The following USP16 variants were observed in gnomAD, a reference collection of about 807,000 sequenced individuals.
USP16 encodes ubiquitin carboxyl-terminal hydrolase 16.
USP16 carries 77 observed loss-of-function variants against 95.9 expected under a neutral mutation model. The observed-to-expected ratio is 0.80, with a 90% CI of 0.67 to 0.97. The LOEUF (loss-of-function observed/expected upper bound fraction) is 0.97, where lower values mean the gene tolerates loss of function less well. Among genes scored for constraint, USP16 ranks in the 50% least tolerant of loss-of-function variants. The pLI is 0.00. For synonymous variants in USP16, 303 were observed against 318.2 expected (o/e 0.95, Z 0.51); for missense variants, 943 against 959.9 (o/e 0.98, Z 0.23).
intron 11 of USP16, 62 bp downstream of exon 11, chr21:29,042,166 A>G: frequency 6.9e-7 from 1 of 1,441,040 alleles, no homozygotes; most frequent in Non-Finnish European, 9.6e-7. Context: ...TCAATTGTTT[A>G]TTTCAAAAGC....
At position 29,039,471 on chromosome 21, in the gene USP16, T is replaced by C. The variant is rs1568890250; in HGVS notation, c.864-10T>C. The C allele has an allele frequency of 1.9e-6, 3 of 1,610,646 alleles. No homozygotes were observed. Among genetic ancestry groups the C allele is most frequent in the Non-Finnish European group, 2.5e-6 (3 of 1,177,848 alleles). On this transcript the variant is annotated splice_polypyrimidine_tract_variant and intron_variant, in intron 8 of 17. Coordinates refer to ENST00000399976, the MANE Select transcript of USP16 (RefSeq NM_006447.3). ...GAAGATTGCTTTTCTGTCTTTTTGT[T>C]TTTCTCTAGAGCAGTGCGGTTTAAA...
At chr21:29,040,789 T>C (rs995681370) in intron 10 of USP16, 102 bp downstream of exon 10, 55 of 504,028 alleles carry the variant, frequency 1.1e-4, no homozygotes, top group Admixed American at 5.5e-4. Context: ...ATTATTAATG[T>C]ATAATTTCTC....
In USP16 at chr21:29,046,889, G is replaced by A; in HGVS notation, c.1579G>A (p.Asp527Asn). Reference sequence around the variant, plus strand: ...AGCAAAAATGATCGAAAGTGTAACTGACAATCAAAAATCCACAGAGGAAGT... The same window carrying A: ...AGCAAAAATGATCGAAAGTGTAACTAACAATCAAAAATCCACAGAGGAAGT... ...GQAKMIESVTDNQKSTEEVDM... is the reference protein window; with the variant it reads ...GQAKMIESVTNNQKSTEEVDM... The change falls in exon 14 of 18, where the codon GAC (aspartate) becomes AAC (asparagine). Residue 527 changes from aspartate (D) to asparagine (N), a missense_variant. Transcript: ENST00000399976. 1 of 1,614,080 alleles carries A rather than the reference G, an allele frequency of 6.2e-7. No individual in the cohort carries two copies. The highest frequency in any genetic ancestry group is 1.1e-5 in the South Asian group (1 of 91,066).
rs753620226 is a variant in USP16 at position 29,040,653 on chromosome 21, A to G, written c.996A>G (p.Glu332=). The G allele has an allele frequency of 3.2e-6, 5 of 1,549,118 alleles. No homozygotes were observed. In the South Asian group the frequency reaches 5.7e-5, roughly 18 times the overall value. Residue 332 remains glutamate (E), a synonymous_variant, in exon 10 of 18, where the codon GAA becomes GAG. Coordinates refer to ENST00000399976, the MANE Select transcript of USP16 (RefSeq NM_006447.3). ...TTAAAGCATTTGGTAATTCTACTGA[A>G]AAGTTGGATGAAGAACTAAAAAATA... is the stretch of plus-strand genomic sequence containing the variant. ...GILKAFGNST[E]KLDEELKNKV...
chr21:29,029,978 TTTAA>T (rs1276703297), intron 2 of USP16, among the ~76,000 whole-genome samples: 7 of 152,212 alleles, frequency 4.6e-5, no homozygotes, highest in Non-Finnish European at 1.0e-4. Context: ...ATAGGACATA[TTTAA>T]TTAATATCAG....
chr21:29,043,933 G>GT lies in USP16; in HGVS notation c.1356+344dup, dbSNP rs796782997. 3.0e-3 allele frequency among the ~76,000 whole-genome samples: 450 copies of GT among 148,634 alleles called. 1 individual carries two copies. Among genetic ancestry groups the GT allele is most frequent in the African/African-American group, 0.011 (428 of 40,608 alleles). ...AACAATAAGTCCCCCTCCCACCACT[G>GT]TTTTTTTTTTCCAACCCGAGATGGA... is the stretch of plus-strand genomic sequence containing the variant. On this transcript the variant is annotated intron_variant, in intron 13 of 17. Transcript: ENST00000399976.
chr21:29,032,888 C>T (rs1365814315), intron 3 of USP16, among the ~76,000 whole-genome samples: 2 of 152,154 alleles, frequency 1.3e-5, no homozygotes, highest in African/African-American at 2.4e-5. Flanking sequence ...TATATTCTTA[C>T]TAGCAGTGTA....
intron 2 of USP16, among the ~76,000 whole-genome samples, chr21:29,029,306 G>A (rs2085043174): frequency 1.3e-5 from 2 of 152,158 alleles, no homozygotes; most frequent in Non-Finnish European, 1.5e-5. Context: ...CCAGCTACTT[G>A]GGAGGCTGAG....
In USP16 at chr21:29,054,472, A is replaced by C; in HGVS notation, c.*285A>C. On this transcript the variant is annotated 3_prime_UTR_variant, in exon 18 of 18. Coordinates refer to ENST00000399976, the MANE Select transcript of USP16 (RefSeq NM_006447.3). ...GTGATGGATCACAACACATCAATAA[A>C]CTGACTTACCCTAAAATCTTGTTTT... The C allele has an allele frequency of 3.2e-6, 1 of 310,864 alleles. No individual in the cohort carries two copies. Among genetic ancestry groups the C allele is most frequent in the Admixed American group, 4.6e-5 (1 of 21,750 alleles). 19.3% of individuals were successfully genotyped at this position (310,864 alleles called of 1,614,324 possible). A position where few individuals can be genotyped will look rare whatever the true frequency, so the allele number is the denominator to read the frequency against.
chr21:29,038,861 A>C (rs2085201190), intron 7 of USP16, among the ~76,000 whole-genome samples, 165 bp from the exon 8 acceptor site: 1 of 152,230 alleles, frequency 6.6e-6, no homozygotes. Flanking sequence ...TGCATAAGAC[A>C]GTCTGTGACC....
rs747547318 is a variant in USP16, at chr21:29,053,858, C to T, written c.2250C>T (p.His750=). 6.2e-7 allele frequency: 1 copy of T among 1,614,194 alleles called. No homozygotes were observed. Among genetic ancestry groups the T allele is most frequent in the Non-Finnish European group, 8.5e-7 (1 of 1,180,034 alleles). The change falls in exon 17 of 18, where the codon CAC becomes CAT. Residue 750 remains histidine (H), a synonymous_variant. Coordinates refer to ENST00000399976, the MANE Select transcript of USP16 (RefSeq NM_006447.3). ...VLYSLYGVVE[H]SGTMRSGHYT... ...ATTCCTTATATGGAGTTGTTGAACACAGTGGTACTATGAGGTCGGGGCATT... is the reference window on the plus strand; with the variant it reads ...ATTCCTTATATGGAGTTGTTGAACATAGTGGTACTATGAGGTCGGGGCATT...
intron 3 of USP16, 90 bp from the exon 4 acceptor site, chr21:29,034,747 T>A (rs1476445074): frequency 2.6e-6 from 3 of 1,163,372 alleles, no homozygotes; most frequent in Non-Finnish European, 3.7e-6. Context: ...CAGAATTTCA[T>A]GAGCCACTTC....
At chr21:29,041,974 AC>A (rs763869912) in intron 10 of USP16, 38 bp from the exon 11 acceptor site, 97 of 1,526,632 alleles carry the variant, frequency 6.4e-5, no homozygotes, top group Admixed American at 1.2e-4. Context: ...TAATTATATA[AC>A]GGTAATTGGT....
At chr21:29,042,322 A>G (rs1479617976) in intron 11 of USP16, 150 bp from the exon 12 acceptor site, 6 of 876,004 alleles carry the variant, frequency 6.8e-6, no homozygotes, top group Non-Finnish European at 8.5e-6. Flanking sequence ...AAAGTCCTCA[A>G]TGTTGTGTAA....
At chr21:29,031,718 C>T (rs1215161708) in intron 3 of USP16, among the ~76,000 whole-genome samples, 1 of 152,206 alleles carries the variant, frequency 6.6e-6, no homozygotes, top group African/African-American at 2.4e-5. Context: ...GGAATACAGG[C>T]GTGAGCCACT....
intron 13 of USP16, among the ~76,000 whole-genome samples, chr21:29,046,434 C>T (rs898353603): frequency 2.6e-5 from 4 of 152,060 alleles, no homozygotes; most frequent in African/African-American, 7.2e-5. Flanking sequence ...AGGTGTGAGC[C>T]GCCATGCCCA....
In USP16 at chr21:29,027,812, C is replaced by T. The variant is rs527641720; in HGVS notation, c.-41-61C>T. ...ACGTGGCTTAGTTATATTACTGTCT[C>T]CTAGAGAAATATAAGACATACTTTT... On this transcript the variant is annotated intron_variant, in intron 1 of 17. Coordinates refer to ENST00000399976, the MANE Select transcript of USP16 (RefSeq NM_006447.3). 11 of 1,176,954 alleles carry T rather than the reference C, an allele frequency of 9.3e-6. 1 individual carries two copies. The South Asian group carries it at 1.4e-4, about 15-fold the overall frequency. 72.9% of individuals were successfully genotyped at this position (1,176,954 alleles called of 1,614,324 possible).
intron 2 of USP16, among the ~76,000 whole-genome samples, chr21:29,029,222 G>A (rs950917626): frequency 6.6e-6 from 1 of 152,196 alleles, no homozygotes; most frequent in Non-Finnish European, 1.5e-5. Context: ...GACCATCCTG[G>A]CTAACACGGT....
chr21:29,047,159 T>C lies in USP16; in HGVS notation c.1849T>C (p.Phe617Leu), dbSNP rs2085338599. Residue 617 changes from phenylalanine (F) to leucine (L), a missense_variant, in exon 14 of 18, where the codon TTC (phenylalanine) becomes CTC (leucine). Transcript: ENST00000399976. ...TGTAAATGAAGATCCAGAAACTGCT[T>C]TCTGTACTCTTGCAAACAGGGAAGT... Reference protein sequence around the residue: ...EVVNEDPETAFCTLANREVFN... With the variant: ...EVVNEDPETALCTLANREVFN... 1 of 1,614,018 alleles carries C rather than the reference T, an allele frequency of 6.2e-7. No homozygotes were observed. Among genetic ancestry groups the C allele is most frequent in the Admixed American group, 1.7e-5 (1 of 60,004 alleles).
Sources: allele counts gnomAD v4.1 joint callset (sites outside exome capture counted in the v4.1 genomes callset), GRCh38; gene constraint gnomAD v4.1.1; transcripts MANE v1.5; gene names NCBI Gene and HGNC (gene_info 2026-07-23, HGNC 2026-07-21).